LNX2: variants seen among roughly 807,000 people sequenced by gnomAD.
LNX2 encodes ligand of Numb protein X 2.
A neutral mutation model predicts 66.2 loss-of-function variants in LNX2; 35 were observed. That is an observed-to-expected ratio of 0.53 (90% CI 0.40 to 0.70). LNX2 has a LOEUF of 0.70. Ranked by LOEUF, LNX2 falls within the 30% of genes least tolerant of loss-of-function variation. LNX2 has a pLI of 0.00. For missense variants in LNX2, 791 were observed against 850.8 expected (o/e 0.93, Z 0.87); for synonymous variants, 337 against 315.6 (o/e 1.07, Z -0.72).
At chr13:27,616,320 G>C (rs1249068239) in intron 1 of LNX2, among the ~76,000 whole-genome samples, 1 of 152,148 alleles carries the variant, frequency 6.6e-6, no homozygotes, top group Non-Finnish European at 1.5e-5. Context: ...AAGGATTGTG[G>C]AGACCCAAGT....
chr13:27,587,832 T>G (rs557503449), intron 1 of LNX2, among the ~76,000 whole-genome samples: 1 of 151,916 alleles, frequency 6.6e-6, no homozygotes, highest in African/African-American at 2.4e-5. Flanking sequence ...CCATCCTGGC[T>G]AACACAGTGA....
At chr13:27,558,545 AAATTC>A (rs1955091222) in intron 6 of LNX2, among the ~76,000 whole-genome samples, 1 of 152,030 alleles carries the variant, frequency 6.6e-6, no homozygotes, top group African/African-American at 2.4e-5. Context: ...TCAAATTATA[AAATTC>A]AATAACATAA....
intron 1 of LNX2, among the ~76,000 whole-genome samples, chr13:27,612,485 T>C (rs1321464092): frequency 1.3e-5 from 2 of 152,224 alleles, no homozygotes; most frequent in African/African-American, 4.8e-5. Flanking sequence ...GTTTCCCTTC[T>C]CATAACCCAA....
At chr13:27,612,379 GT>G (rs1379906645) in intron 1 of LNX2, among the ~76,000 whole-genome samples, 1 of 152,090 alleles carries the variant, frequency 6.6e-6, no homozygotes, top group Non-Finnish European at 1.5e-5. Context: ...TCCTCTGAGG[GT>G]TTACCTGTGT....
At position 27,562,551 on chromosome 13, in the gene LNX2, T is replaced by C. The variant is rs201525496; in HGVS notation, c.1086A>G (p.Pro362=). 1 of 1,614,164 alleles carries C rather than the reference T, an allele frequency of 6.2e-7. No homozygotes were observed. Among genetic ancestry groups the C allele is most frequent in the East Asian group, 2.2e-5 (1 of 44,868 alleles). The part of the protein sequence containing the change: ...GIKLVRRTDE[P]GVFILDLLEG... ...CCAACAGGTCAAGAATAAAAACCCC[T>C]GGCTCATCTGTCCTTCGCACCAATT... is the stretch of plus-strand genomic sequence containing the variant. The change falls in exon 5 of 10, where the codon CCA becomes CCG. Residue 362 remains proline (P), a synonymous_variant. Coordinates refer to ENST00000316334, the MANE Select transcript of LNX2 (RefSeq NM_153371.4).
intron 2 of LNX2, among the ~76,000 whole-genome samples, chr13:27,579,383 C>T (rs1007936718): frequency 2.6e-5 from 4 of 152,144 alleles, no homozygotes; most frequent in African/African-American, 9.7e-5. Flanking sequence ...TCCAATCATC[C>T]ATCTTTTCAC....
intron 4 of LNX2, 31 bp downstream of exon 4, chr13:27,567,609 C>T (rs775837072): frequency 1.3e-6 from 2 of 1,592,210 alleles, no homozygotes; most frequent in South Asian, 2.2e-5. Flanking sequence ...AACAAAAAGG[C>T]ACAAGTTAAC....
chr13:27,593,734 TTG>T (rs373386821), intron 1 of LNX2, among the ~76,000 whole-genome samples: 3,684 of 143,810 alleles, frequency 0.026, 174 homozygotes, highest in African/African-American at 0.09. Context: ...CGCCTGGTTT[TTG>T]TGTGTGTGTG....
intron 1 of LNX2, among the ~76,000 whole-genome samples, chr13:27,594,126 C>T (rs1955572887): frequency 6.6e-6 from 1 of 152,088 alleles, no homozygotes; most frequent in Admixed American, 6.5e-5. Flanking sequence ...TGTTCTAAGC[C>T]TAGTCAATTT....
In LNX2 at chr13:27,556,424, C is replaced by T. The variant is rs763875234; in HGVS notation, c.1369-11G>A. ...ACACTGAGTAAGATCCTAAAACATA[C>T]AAGAAAAAAATCATTGGATAATGAA... On this transcript the variant is annotated splice_polypyrimidine_tract_variant and intron_variant, in intron 6 of 9. Transcript: ENST00000316334. The T allele has an allele frequency of 1.7e-5, 28 of 1,604,056 alleles. No homozygotes were observed. Among genetic ancestry groups the T allele is most frequent in the East Asian group, 1.3e-4 (6 of 44,568 alleles).
intron 1 of LNX2, among the ~76,000 whole-genome samples, chr13:27,595,326 G>GT (rs1185870879): frequency 3.9e-5 from 6 of 152,260 alleles, no homozygotes; most frequent in African/African-American, 1.4e-4. Context: ...TCACTGCAGT[G>GT]GTTTGCAATC....
intron 1 of LNX2, among the ~76,000 whole-genome samples, chr13:27,609,786 T>C (rs913403195): frequency 2.2e-4 from 34 of 152,210 alleles, no homozygotes; most frequent in Admixed American, 5.2e-4. Context: ...ATAGGTACTA[T>C]ACCATTGAAA....
chr13:27,570,740 A>G (rs1465488823), intron 2 of LNX2, among the ~76,000 whole-genome samples: 1 of 152,196 alleles, frequency 6.6e-6, no homozygotes, highest in African/African-American at 2.4e-5. Flanking sequence ...GACTGAAAAG[A>G]CAGGTAAAGA....
At chr13:27,549,483 G>T (rs1292215341) in intron 9 of LNX2, among the ~76,000 whole-genome samples, 1 of 152,192 alleles carries the variant, frequency 6.6e-6, no homozygotes, top group African/African-American at 2.4e-5. Context: ...AGTGGTAGAG[G>T]CTGGCAGAGG....
chr13:27,608,157 G>A (rs1000939941), intron 1 of LNX2, among the ~76,000 whole-genome samples: 1 of 152,224 alleles, frequency 6.6e-6, no homozygotes, highest in African/African-American at 2.4e-5. Context: ...TATGTATTCA[G>A]TTATCTTAGG....
rs912663838 is a variant in LNX2, at chr13:27,581,811, A to C, written c.-100-8T>G. Reference sequence around the variant, plus strand: ...AAGTCAAGGTGTGTTTTTCTAGATAAGCAAAACAAACACATTAAAAAAGGT... The same window carrying C: ...AAGTCAAGGTGTGTTTTTCTAGATACGCAAAACAAACACATTAAAAAAGGT... On this transcript the variant is annotated splice_polypyrimidine_tract_variant and splice_region_variant and intron_variant, in intron 1 of 9. Transcript: ENST00000316334. 2.8e-5 allele frequency: 23 copies of C among 834,306 alleles called. No individual in the cohort carries two copies. Among genetic ancestry groups the C allele is most frequent in the Non-Finnish European group, 4.2e-5 (23 of 545,394 alleles). 51.7% of individuals were successfully genotyped at this position (834,306 alleles called of 1,614,324 possible). A position where few individuals can be genotyped will look rare whatever the true frequency, so the allele number is the denominator to read the frequency against.
At chr13:27,601,126 T>A (rs1955653663) in intron 1 of LNX2, among the ~76,000 whole-genome samples, 1 of 152,224 alleles carries the variant, frequency 6.6e-6, no homozygotes, top group Non-Finnish European at 1.5e-5. Context: ...AAGCAGTATT[T>A]CATTTAATCT....
At chr13:27,599,959 A>G (rs1275601176) in intron 1 of LNX2, among the ~76,000 whole-genome samples, 1 of 152,198 alleles carries the variant, frequency 6.6e-6, no homozygotes, top group African/African-American at 2.4e-5. Context: ...AAGAAAACCT[A>G]AGAGTAAAGA....
rs985160054 is a variant in LNX2, at chr13:27,548,473, G to A, written c.1938-3C>T. ...CGGCCACAATCATGTCACCACACCT[G>A]GACAAAGAGAGACAGATACAGAATG... On this transcript the variant is annotated splice_region_variant and splice_polypyrimidine_tract_variant and intron_variant, in intron 9 of 9. Coordinates refer to ENST00000316334, the MANE Select transcript of LNX2 (RefSeq NM_153371.4). The A allele has an allele frequency of 1.2e-6, 2 of 1,609,948 alleles. No individual in the cohort carries two copies. The highest frequency in any genetic ancestry group is 2.7e-5 in the African/African-American group (2 of 74,598).
Sources: gnomAD v4.1 joint callset for allele counts (sites outside exome capture counted in the v4.1 genomes callset) on GRCh38, gnomAD v4.1.1 for gene constraint, MANE v1.5 for transcripts, NCBI Gene and HGNC (gene_info 2026-07-23, HGNC 2026-07-21) for gene names.